CHCHD6: variants seen among roughly 807,000 people sequenced by gnomAD.
CHCHD6 encodes the protein coiled-coil-helix-coiled-coil-helix domain containing 6.
Under a neutral mutation model 32.3 loss-of-function variants are expected in CHCHD6, and 28 were observed. The observed-to-expected ratio is 0.87, with a 90% CI of 0.64 to 1.19. The LOEUF is 1.19. CHCHD6 is among the 50% of genes most tolerant of loss of function. The pLI is 0.00. For missense variants in CHCHD6, 333 were observed against 307.0 expected (o/e 1.08, Z -0.63); for synonymous variants, 122 against 117.5 (o/e 1.04, Z -0.25).
intron 5 of CHCHD6, among the ~76,000 whole-genome samples, chr3:126,895,958 G>A (rs921273556): frequency 6.6e-6 from 1 of 152,242 alleles, no homozygotes; most frequent in Admixed American, 6.5e-5. Flanking sequence ...TGGTGTGCTA[G>A]TGAGAGCTGG....
intron 4 of CHCHD6, among the ~76,000 whole-genome samples, chr3:126,745,165 G>A (rs773922826): frequency 6.6e-6 from 1 of 152,216 alleles, no homozygotes; most frequent in Non-Finnish European, 1.5e-5. Flanking sequence ...ACCTGGACAC[G>A]TGACTGCCCC....
intron 5 of CHCHD6, among the ~76,000 whole-genome samples, chr3:126,881,175 A>G (rs933805577): frequency 6.6e-6 from 1 of 152,220 alleles, no homozygotes; most frequent in Non-Finnish European, 1.5e-5. Context: ...TGCACTCTCC[A>G]ACTGTCCTCG....
intron 6 of CHCHD6, among the ~76,000 whole-genome samples, chr3:126,953,648 G>A (rs1479312979): frequency 6.6e-6 from 1 of 152,210 alleles, no homozygotes; most frequent in Non-Finnish European, 1.5e-5. Flanking sequence ...AGGAACATAA[G>A]AGCCAGTGAG....
At chr3:126,724,522 C>G (rs1226579740) in intron 1 of CHCHD6, among the ~76,000 whole-genome samples, 1 of 152,134 alleles carries the variant, frequency 6.6e-6, no homozygotes, top group Admixed American at 6.5e-5. Context: ...GGTGGGGGGT[C>G]TTGCCTCCTT....
intron 4 of CHCHD6, among the ~76,000 whole-genome samples, chr3:126,757,992 C>G (rs1024234564): frequency 1.3e-5 from 2 of 152,204 alleles, no homozygotes; most frequent in South Asian, 2.1e-4. Context: ...AACCCACTCT[C>G]AGGTCTTTTA....
intron 6 of CHCHD6, among the ~76,000 whole-genome samples, chr3:126,934,617 C>T (rs561706596): frequency 2.1e-3 from 285 of 133,552 alleles, no homozygotes; most frequent in Non-Finnish European, 3.5e-3. Context: ...GGCACAATCT[C>T]GGCTCACTGC....
At chr3:126,902,656 G>A (rs2077945666) in intron 5 of CHCHD6, among the ~76,000 whole-genome samples, 1 of 150,638 alleles carries the variant, frequency 6.6e-6, no homozygotes, top group Admixed American at 6.6e-5. Flanking sequence ...GGCAGAGGTT[G>A]CAGTGAGCCG....
chr3:126,712,058 C>T (rs1430719910), intron 1 of CHCHD6, among the ~76,000 whole-genome samples: 2 of 152,330 alleles, frequency 1.3e-5, no homozygotes, highest in East Asian at 3.9e-4. Flanking sequence ...CCTTTTCCAC[C>T]TCAGCTGCTG....
Position 126,731,993 on chromosome 3 carries a change from T to A in CHCHD6, c.267-1085T>A, listed in dbSNP as rs1259029964. ...GCTCAAGAGGCTGAGGTGGGAGGAT[T>A]GCTTGAGCCCAGAAGTTGGAGTTTA... On this transcript the variant is annotated intron_variant, in intron 3 of 7. Coordinates refer to ENST00000290913, the MANE Select transcript of CHCHD6 (RefSeq NM_032343.3). 2.7e-5 allele frequency among the ~76,000 whole-genome samples: 4 copies of A among 150,538 alleles called. No homozygotes were observed. In the East Asian group the frequency reaches 5.9e-4, roughly 22 times the overall value.
chr3:126,791,414 C>A (rs925132880), intron 4 of CHCHD6, among the ~76,000 whole-genome samples: 2 of 152,236 alleles, frequency 1.3e-5, no homozygotes, highest in Non-Finnish European at 2.9e-5. Flanking sequence ...ATGCCCTGCC[C>A]CCAGAGGTGG....
chr3:126,923,769 A>G (rs2078285547), intron 6 of CHCHD6, among the ~76,000 whole-genome samples: 1 of 152,250 alleles, frequency 6.6e-6, no homozygotes, highest in Non-Finnish European at 1.5e-5. Flanking sequence ...TTAAGCCTCT[A>G]GGAAAGTGTC....
intron 5 of CHCHD6, among the ~76,000 whole-genome samples, chr3:126,908,404 G>A (rs183183677): frequency 6.6e-6 from 1 of 152,208 alleles, no homozygotes; most frequent in Non-Finnish European, 1.5e-5. Flanking sequence ...GGCACAGAGT[G>A]GGAATAGTGG....
chr3:126,764,200 C>CATATAT (rs143293559), intron 4 of CHCHD6, among the ~76,000 whole-genome samples: 4,366 of 139,700 alleles, frequency 0.031, 77 homozygotes, highest in African/African-American at 0.053. Flanking sequence ...TACATACATG[C>CATATAT]ATATATATAT....
At chr3:126,806,995 C>G (rs1939418810) in intron 4 of CHCHD6, among the ~76,000 whole-genome samples, 1 of 133,634 alleles carries the variant, frequency 7.5e-6, no homozygotes, top group African/African-American at 2.9e-5. Flanking sequence ...GGGAATTGAA[C>G]AGTGAGAACA....
chr3:126,715,268 C>G (rs376982055), intron 1 of CHCHD6, among the ~76,000 whole-genome samples: 19 of 152,184 alleles, frequency 1.2e-4, no homozygotes, highest in African/African-American at 4.6e-4. Context: ...GAGTCATTAC[C>G]CTAGCACTTC....
At chr3:126,930,075 A>T (rs2107598053) in intron 6 of CHCHD6, among the ~76,000 whole-genome samples, 1 of 152,250 alleles carries the variant, frequency 6.6e-6, no homozygotes, top group East Asian at 1.9e-4. Context: ...GATCCTCTCT[A>T]ATAATGTAGG....
intron 4 of CHCHD6, among the ~76,000 whole-genome samples, chr3:126,849,637 T>C (rs116721432): frequency 0.018 from 2,751 of 152,330 alleles, 32 homozygotes; most frequent in Middle Eastern, 0.051. Context: ...AAGACTTTCT[T>C]AGAAATCTCC....
intron 4 of CHCHD6, among the ~76,000 whole-genome samples, chr3:126,795,285 C>G (rs577150114): frequency 1.3e-5 from 2 of 152,192 alleles, no homozygotes; most frequent in Admixed American, 1.3e-4. Flanking sequence ...GTTTTTACCT[C>G]AGCTTTCTCT....
chr3:126,878,317 T>C (rs1296077868), intron 5 of CHCHD6, among the ~76,000 whole-genome samples: 1 of 152,240 alleles, frequency 6.6e-6, no homozygotes, highest in Non-Finnish European at 1.5e-5. Context: ...AAGAAACCAG[T>C]GTTTCCTGAA....
Sources: gnomAD v4.1 joint callset for allele counts (sites outside exome capture counted in the v4.1 genomes callset) on GRCh38, gnomAD v4.1.1 for gene constraint, MANE v1.5 for transcripts, NCBI Gene and HGNC (gene_info 2026-07-23, HGNC 2026-07-21) for gene names.